The following SNX29 variants were observed in gnomAD, a reference collection of about 807,000 sequenced individuals.
SNX29 encodes the protein sorting nexin 29, also known as sorting nexin-29.
A neutral mutation model predicts 102.1 loss-of-function variants in SNX29; 78 were observed. That is an observed-to-expected ratio of 0.76 (90% confidence interval 0.64 to 0.92). The LOEUF (loss-of-function observed/expected upper bound fraction) is 0.92, where lower values mean the gene tolerates loss of function less well. Ranked by LOEUF, SNX29 falls within the 40% of genes least tolerant of loss-of-function variation. The pLI, the probability that SNX29 is intolerant of heterozygous loss-of-function variation, is 0.00. For missense variants in SNX29, 1,280 were observed against 1,061.7 expected (o/e 1.21, Z -2.86); for synonymous variants, 580 against 414.5 (o/e 1.40, Z -4.85).
chr16:12,549,820 T>C (rs1230308155), intron 20 of SNX29, among the ~76,000 whole-genome samples: 1 of 152,268 alleles, frequency 6.6e-6, no homozygotes, highest in Admixed American at 6.5e-5. Flanking sequence ...GTGCCCTGTG[T>C]GGCCAGGCCT....
At chr16:12,539,680 C>T (rs1597826392) in intron 20 of SNX29, among the ~76,000 whole-genome samples, 3 of 152,202 alleles carry the variant, frequency 2.0e-5, no homozygotes, top group South Asian at 4.1e-4. Flanking sequence ...AGTTGCTCTG[C>T]ACCCTGGGCA....
At chr16:12,377,323 C>T (rs750939864) in intron 16 of SNX29, among the ~76,000 whole-genome samples, 6 of 152,178 alleles carry the variant, frequency 3.9e-5, no homozygotes, top group Non-Finnish European at 8.8e-5. Context: ...GTGAAGTTGG[C>T]TGGGCCACTG....
intron 13 of SNX29, among the ~76,000 whole-genome samples, chr16:12,142,227 C>T (rs2054892421): frequency 6.6e-6 from 1 of 152,210 alleles, no homozygotes; most frequent in Non-Finnish European, 1.5e-5. Context: ...ATATGTGACC[C>T]ACTCTGGCTC....
intron 8 of SNX29, 55 bp from the exon 9 acceptor site, chr16:12,061,473 T>C: frequency 7.0e-7 from 1 of 1,432,732 alleles, no homozygotes; most frequent in East Asian, 2.5e-5. Context: ...TGTTGGTGAG[T>C]CATGCGGCCT....
At chr16:12,533,741 T>G (rs1002950624) in intron 20 of SNX29, among the ~76,000 whole-genome samples, 6 of 152,146 alleles carry the variant, frequency 3.9e-5, no homozygotes, top group Non-Finnish European at 5.9e-5. Flanking sequence ...GTGGGTCATA[T>G]AAGTGAATTA....
At chr16:12,026,198 C>T (rs1316019089) in intron 3 of SNX29, among the ~76,000 whole-genome samples, 1 of 152,302 alleles carries the variant, frequency 6.6e-6, no homozygotes, top group Non-Finnish European at 1.5e-5. Flanking sequence ...ATATCCAGCT[C>T]GTAATTCCAA....
intron 19 of SNX29, among the ~76,000 whole-genome samples, chr16:12,487,838 C>T (rs1161994528): frequency 6.6e-6 from 1 of 152,096 alleles, no homozygotes; most frequent in African/African-American, 2.4e-5. Flanking sequence ...TGACACTCTG[C>T]CAACCACCAT....
At chr16:12,128,864 T>C (rs777370376) in intron 12 of SNX29, among the ~76,000 whole-genome samples, 8 of 152,166 alleles carry the variant, frequency 5.3e-5, no homozygotes, top group Non-Finnish European at 8.8e-5. Context: ...ATGAAGTAAA[T>C]GGTTAGCAGC....
At chr16:12,223,258 G>C (rs192134045) in intron 14 of SNX29, among the ~76,000 whole-genome samples, 1 of 152,158 alleles carries the variant, frequency 6.6e-6, no homozygotes, top group Non-Finnish European at 1.5e-5. Flanking sequence ...GGGCATAGTG[G>C]CTCACACCTG....
At chr16:12,037,998 A>G (rs981012310) in intron 4 of SNX29, among the ~76,000 whole-genome samples, 1 of 150,082 alleles carries the variant, frequency 6.7e-6, no homozygotes, top group Non-Finnish European at 1.5e-5. Context: ...CAAAACAAAA[A>G]AAACCCCAAA....
intron 17 of SNX29, among the ~76,000 whole-genome samples, chr16:12,403,198 GTGTA>G (rs777564360): frequency 0.026 from 2,155 of 81,904 alleles, 53 homozygotes; most frequent in African/African-American, 0.066. Context: ...CAGATTGTGT[GTGTA>G]TGTGTGTGTG....
At chr16:12,048,647 G>A in intron 7 of SNX29, 27 bp downstream of exon 7, 1 of 1,613,940 alleles carries the variant, frequency 6.2e-7, no homozygotes, top group Admixed American at 1.7e-5. Flanking sequence ...GCTCGAGGCG[G>A]AGCAGAGGGA....
chr16:12,341,684 A>T (rs2081614190), intron 15 of SNX29, among the ~76,000 whole-genome samples: 1 of 152,164 alleles, frequency 6.6e-6, no homozygotes, highest in South Asian at 2.1e-4. Context: ...CAGGGAAGGG[A>T]TGGTGCAGGG....
At chr16:12,261,121 GCTGGAGTGAGTGGTTCCTGAGCTCCA>G (rs2078739640) in intron 14 of SNX29, among the ~76,000 whole-genome samples, 5 of 148,726 alleles carry the variant, frequency 3.4e-5, no homozygotes, top group Non-Finnish European at 7.4e-5. Context: ...TGAGTCCCCG[GCTGGAGTGAGTGGTTCCTGAGCTCCA>G]GTCTGTGCAC....
At chr16:12,477,478 G>C (rs940144619) in intron 18 of SNX29, among the ~76,000 whole-genome samples, 1 of 152,176 alleles carries the variant, frequency 6.6e-6, no homozygotes, top group African/African-American at 2.4e-5. Context: ...TGTTGATGTT[G>C]GGAAAATAGC....
At chr16:12,299,351 G>A (rs1425448555) in intron 15 of SNX29, among the ~76,000 whole-genome samples, 2 of 152,122 alleles carry the variant, frequency 1.3e-5, no homozygotes, top group African/African-American at 2.4e-5. Context: ...ATGTTTTCCA[G>A]TTCATCACAG....
chr16:12,183,247 C>T (rs964410378), intron 13 of SNX29, among the ~76,000 whole-genome samples: 8 of 152,144 alleles, frequency 5.3e-5, no homozygotes, highest in East Asian at 3.9e-4. Flanking sequence ...GCGATCCTCC[C>T]GCCTTAGCCT....
intron 14 of SNX29, among the ~76,000 whole-genome samples, chr16:12,266,571 A>G (rs2078934514): frequency 6.6e-6 from 1 of 151,692 alleles, no homozygotes; most frequent in South Asian, 2.1e-4. Context: ...ATGAAATAAT[A>G]TATATTTGCT....
At chr16:12,493,741 G>T (rs571958953) in intron 19 of SNX29, among the ~76,000 whole-genome samples, 1 of 152,284 alleles carries the variant, frequency 6.6e-6, no homozygotes, top group African/African-American at 2.4e-5. Flanking sequence ...ATAGGCGCAT[G>T]CCACCACGCC....
Sources: allele counts gnomAD v4.1 joint callset (sites outside exome capture counted in the v4.1 genomes callset), GRCh38; gene constraint gnomAD v4.1.1; transcripts MANE v1.5; gene names NCBI Gene and HGNC (gene_info 2026-07-23, HGNC 2026-07-21).